The following ANAPC11 variants were observed in gnomAD, a reference collection of about 807,000 sequenced individuals.
The protein encoded by ANAPC11 is anaphase-promoting complex subunit 11.
Under a neutral mutation model 11.8 loss-of-function variants are expected in ANAPC11, and 5 were observed. That is an observed-to-expected ratio of 0.42 (90% CI 0.22 to 0.89). ANAPC11 has a LOEUF of 0.89. Among genes scored for constraint, ANAPC11 ranks in the 40% least tolerant of loss-of-function variants. The pLI, the probability that ANAPC11 is intolerant of heterozygous loss-of-function variation, is 0.28. For missense variants in ANAPC11, 68 were observed against 112.9 expected (o/e 0.60, Z 1.80); for synonymous variants, 45 against 41.0 (o/e 1.10, Z -0.38).
upstream of ANAPC11, chr17:81,891,188 C>A: frequency 1.3e-5 from 8 of 639,670 alleles, no homozygotes; most frequent in South Asian, 2.5e-4. Context: ...CGCCCACACG[C>A]ACCCTCCGGA....
chr17:81,899,428 T>C, intron 3 of ANAPC11: 1 of 1,613,974 alleles, frequency 6.2e-7, no homozygotes, highest in African/African-American at 1.3e-5. Flanking sequence ...CCTCCTGCCC[T>C]TGATCAAGAG....
chr17:81,899,268 A>G, intron 3 of ANAPC11: 1 of 1,612,292 alleles, frequency 6.2e-7, no homozygotes, highest in Non-Finnish European at 8.5e-7. Flanking sequence ...AAGCATTTCT[A>G]GGTGTTTGGG....
At chr17:81,898,184 G>A (rs1461170308) in intron 3 of ANAPC11, 1 of 152,260 alleles carries the variant, frequency 6.6e-6, no homozygotes, top group Non-Finnish European at 1.5e-5. Flanking sequence ...GCAGGCATTC[G>A]ACTTCTGGAG....
At chr17:81,899,247 C>T (rs1355761625) in intron 3 of ANAPC11, 2 of 1,611,334 alleles carry the variant, frequency 1.2e-6, no homozygotes. Flanking sequence ...GTCAGGTCCT[C>T]TCCATGGAGA....
intron 2 of ANAPC11, 21 bp from the exon 3 acceptor site, chr17:81,894,446 G>T: frequency 6.7e-7 from 1 of 1,491,754 alleles, no homozygotes. Flanking sequence ...TTAGCCAGTC[G>T]TCCTGTTCCC....
upstream of ANAPC11, chr17:81,891,151 C>T (rs1011352145): frequency 7.5e-6 from 3 of 400,686 alleles, no homozygotes; most frequent in Admixed American, 4.4e-5. Flanking sequence ...GAAAGAACGA[C>T]CTCGCTCCCG....
upstream of ANAPC11, chr17:81,891,696 G>A (rs560841556): frequency 5.0e-6 from 5 of 1,009,300 alleles, no homozygotes; most frequent in South Asian, 4.8e-5. Context: ...GGCTGCGCGC[G>A]CGGGACGGGG....
intron 3 of ANAPC11, among the ~76,000 whole-genome samples, chr17:81,897,920 C>G (rs544300676): frequency 1.3e-5 from 2 of 152,296 alleles, no homozygotes; most frequent in Admixed American, 1.3e-4. Context: ...CTGGCCCGTA[C>G]AAATACTTTT....
chr17:81,894,492 T>C lies in ANAPC11; in HGVS notation c.15T>C (p.Ile5=). The C allele has an allele frequency of 1.2e-6, 2 of 1,611,582 alleles. No individual in the cohort carries two copies. The highest frequency in any genetic ancestry group is 4.5e-5 in the East Asian group (2 of 44,694). Residue 5 remains isoleucine, a synonymous_variant, in exon 3 of 4, where the codon ATT becomes ATC. Transcript: ENST00000344877. Reference sequence around the variant, plus strand: ...GCTCTGCTGCCATGAAGGTGAAGATTAAGTGCTGGAACGGCGTGGCCACTT... The same window carrying C: ...GCTCTGCTGCCATGAAGGTGAAGATCAAGTGCTGGAACGGCGTGGCCACTT... MKVK[I]KCWNGVATWL... is the part of the protein sequence containing the mutation.
In ANAPC11 at chr17:81,894,508, G is replaced by T; in HGVS notation, c.31G>T (p.Val11Leu). The change falls in exon 3 of 4, where the codon GTG (valine) becomes TTG (leucine). Residue 11 changes from valine (V) to leucine (L), a missense_variant. Coordinates refer to ENST00000344877, the MANE Select transcript of ANAPC11 (RefSeq NM_001002248.3). ...GGTGAAGATTAAGTGCTGGAACGGCGTGGCCACTTGGCTCTGGGTGGCCAA... is the reference window on the plus strand; with the variant it reads ...GGTGAAGATTAAGTGCTGGAACGGCTTGGCCACTTGGCTCTGGGTGGCCAA... MKVKIKCWNG[V>L]ATWLWVANDE... The T allele has an allele frequency of 2.5e-6, 4 of 1,613,068 alleles. No homozygotes were observed. The highest frequency in any genetic ancestry group is 2.5e-6 in the Non-Finnish European group (3 of 1,179,348).
chr17:81,890,808 G>T (rs1356072398), upstream of ANAPC11: 1 of 1,614,108 alleles, frequency 6.2e-7, no homozygotes, highest in South Asian at 1.1e-5. Context: ...CACTTGTCGG[G>T]AAGTTGTTTT....
chr17:81,899,985 T>TA lies in ANAPC11; in HGVS notation c.175_176insA (p.Cys59Ter). ...GQCSHCFHMH[C>*]ILKWLHAQQV... Reference sequence around the variant, plus strand: ...GTGCTCCCACTGCTTCCACATGCATTGCATCCTCAAGTGGCTGCACGCACA... The same window carrying TA: ...GTGCTCCCACTGCTTCCACATGCATTAGCATCCTCAAGTGGCTGCACGCACA... Residue 59 changes from cysteine to a stop codon, truncating the protein, a stop_gained and frameshift_variant, in exon 4 of 4, where the codon TGC becomes TAGC. Transcript: ENST00000344877. LOFTEE classifies it high-confidence loss of function. The TA allele has an allele frequency of 1.2e-6, 2 of 1,613,104 alleles. No individual in the cohort carries two copies. Among genetic ancestry groups the TA allele is most frequent in the Non-Finnish European group, 1.7e-6 (2 of 1,179,982 alleles).
At chr17:81,891,081 C>A, upstream of ANAPC11, 1 of 666,694 alleles carries the variant, frequency 1.5e-6, no homozygotes, top group Non-Finnish European at 2.4e-6. Context: ...TGCCACGAGG[C>A]CCCAACGTCC....
At chr17:81,891,656 G>C, upstream of ANAPC11, 1 of 1,250,270 alleles carries the variant, frequency 8.0e-7, no homozygotes, top group Admixed American at 4.2e-5. Flanking sequence ...CCACGGCCTC[G>C]GAGCGGCTGC....
intron 3 of ANAPC11, among the ~76,000 whole-genome samples, chr17:81,895,641 G>A (rs2039716337): frequency 6.6e-6 from 1 of 151,966 alleles, no homozygotes; most frequent in Non-Finnish European, 1.5e-5. Context: ...TGTCATCCTA[G>A]CACTGTGGGA....
intron 3 of ANAPC11, chr17:81,898,635 A>C (rs990525397): frequency 6.6e-6 from 1 of 152,560 alleles, no homozygotes; most frequent in Admixed American, 6.5e-5. Flanking sequence ...AAAAATTCAG[A>C]GTGACTAAGT....
At chr17:81,892,285 C>T (rs982060396) in intron 1 of ANAPC11, among the ~76,000 whole-genome samples, 15 of 151,806 alleles carry the variant, frequency 9.9e-5, no homozygotes, top group Non-Finnish European at 1.5e-4. Flanking sequence ...CCAGCCGGGG[C>T]AACATCGTGA....
In ANAPC11 at chr17:81,900,164, G is replaced by A. The variant is rs2039894939; in HGVS notation, c.*99G>A. ...CAGCGCCCCTGAGCTGCAACAAGGT[G>A]GAAACAAGGGCTGGAGCTGCGTTTG... is the stretch of plus-strand genomic sequence containing the variant. On this transcript the variant is annotated 3_prime_UTR_variant, in exon 4 of 4. Coordinates refer to ENST00000344877, the MANE Select transcript of ANAPC11 (RefSeq NM_001002248.3). The A allele has an allele frequency of 6.5e-7, 1 of 1,537,842 alleles. No individual in the cohort carries two copies. The highest frequency in any genetic ancestry group is 8.8e-7 in the Non-Finnish European group (1 of 1,135,364).
chr17:81,892,469 CA>C (rs1469632982), intron 1 of ANAPC11, among the ~76,000 whole-genome samples: 5 of 147,868 alleles, frequency 3.4e-5, no homozygotes, highest in Non-Finnish European at 6.0e-5. Context: ...ACCCTGTCTC[CA>C]AAAAAAAATT....
Sources: gnomAD v4.1 joint callset for allele counts (sites outside exome capture counted in the v4.1 genomes callset) on GRCh38, gnomAD v4.1.1 for gene constraint, MANE v1.5 for transcripts, NCBI Gene and HGNC (gene_info 2026-07-23, HGNC 2026-07-21) for gene names.